ZNF623: variants seen among roughly 807,000 people sequenced by gnomAD.
ZNF623 encodes zinc finger protein 623.
Under a neutral mutation model 24.0 loss-of-function variants are expected in ZNF623, and 16 were observed. That is an observed-to-expected ratio of 0.67 (90% CI 0.45 to 1.01). The LOEUF is 1.01. ZNF623 is among the 50% of genes least tolerant of loss of function. ZNF623 has a pLI of 0.00. For synonymous variants in ZNF623, 224 were observed against 219.8 expected (o/e 1.02, Z -0.17); for missense variants, 566 against 606.5 (o/e 0.93, Z 0.70).
chr8:143,637,216 C>T (rs1229762624), intron 1 of ZNF623, among the ~76,000 whole-genome samples: 2 of 152,216 alleles, frequency 1.3e-5, no homozygotes, highest in African/African-American at 4.8e-5. Context: ...TAGCCTGTGG[C>T]GCCCAGTAGG....
chr8:143,647,405 G>A (rs1431440458), intron 1 of ZNF623, among the ~76,000 whole-genome samples: 6 of 151,954 alleles, frequency 3.9e-5, no homozygotes, highest in South Asian at 2.1e-4. Context: ...CTCGTGGTCC[G>A]CCCGCCTCTG....
In ZNF623 at chr8:143,653,387, T is replaced by G. The variant is rs1000772782; in HGVS notation, c.*1904T>G. 6.0e-6 allele frequency: 1 copy of G among 167,136 alleles called. No individual in the cohort carries two copies. Among genetic ancestry groups the G allele is most frequent in the Non-Finnish European group, 1.5e-5 (1 of 68,126 alleles). The allele number at this position is 167,136 out of a possible 1,614,324, so 10.4% of individuals were successfully genotyped here. On this transcript the variant is annotated 3_prime_UTR_variant, in exon 2 of 2. Coordinates refer to ENST00000526926, the MANE Select transcript of ZNF623 (RefSeq NM_001261843.2). ...GAAAATCAGCATTACTAGAGATGTT[T>G]CAAATGTAGATTTTACCAGACCATT...
At chr8:143,649,637 A>G (rs1815248663) in intron 1 of ZNF623, 1 of 498,652 alleles carries the variant, frequency 2.0e-6, no homozygotes, top group Non-Finnish European at 3.5e-6. Flanking sequence ...TCCAGGATTC[A>G]CTAATGGTCA....
chr8:143,645,303 A>G lies in ZNF623; in HGVS notation c.-95-4595A>G, dbSNP rs567001180. Among the ~76,000 whole-genome samples, 689 of 152,060 alleles carry G rather than the reference A, an allele frequency of 4.5e-3. 5 individuals carry two copies. Among genetic ancestry groups the G allele is most frequent in the Non-Finnish European group, 6.9e-3 (468 of 67,968 alleles). ...AAAAATACAAAAAAATTGGCCAGGCATGGTGGCGGGCGCCTGTAGTCCCAG... is the reference window on the plus strand; with the variant it reads ...AAAAATACAAAAAAATTGGCCAGGCGTGGTGGCGGGCGCCTGTAGTCCCAG... On this transcript the variant is annotated intron_variant, in intron 1 of 1. Transcript: ENST00000526926.
At chr8:143,642,686 G>A (rs1486404500) in intron 1 of ZNF623, among the ~76,000 whole-genome samples, 3 of 152,190 alleles carry the variant, frequency 2.0e-5, no homozygotes, top group African/African-American at 7.2e-5. Context: ...TATATCCAGG[G>A]AAGGGGGAGG....
At chr8:143,643,034 C>T (rs1815092706) in intron 1 of ZNF623, among the ~76,000 whole-genome samples, 1 of 152,194 alleles carries the variant, frequency 6.6e-6, no homozygotes, top group African/African-American at 2.4e-5. Flanking sequence ...CCTAATCACA[C>T]AGACCCTGGG....
chr8:143,641,197 C>T (rs562142648), intron 1 of ZNF623, among the ~76,000 whole-genome samples: 118 of 152,282 alleles, frequency 7.7e-4, no homozygotes, highest in Non-Finnish European at 1.3e-3. Context: ...GAATGTTCTT[C>T]GTGGCATCTA....
chr8:143,649,383 T>C (rs1278063894), intron 1 of ZNF623, among the ~76,000 whole-genome samples: 6 of 151,146 alleles, frequency 4.0e-5, no homozygotes, highest in African/African-American at 1.2e-4. Context: ...CCAAGTATCA[T>C]GGAGGGAGGA....
chr8:143,640,026 A>G (rs985719177), intron 1 of ZNF623, among the ~76,000 whole-genome samples: 1 of 152,330 alleles, frequency 6.6e-6, no homozygotes, highest in Middle Eastern at 3.4e-3. Context: ...AATGCTAGGG[A>G]ACCACATTGG....
chr8:143,638,432 A>G (rs1489461387), intron 1 of ZNF623, among the ~76,000 whole-genome samples: 1 of 152,002 alleles, frequency 6.6e-6, no homozygotes, highest in Non-Finnish European at 1.5e-5. Context: ...TCTTGTAAAC[A>G]GAAACACCCT....
intron 1 of ZNF623, among the ~76,000 whole-genome samples, chr8:143,637,700 G>A (rs1814956332): frequency 2.0e-5 from 3 of 152,094 alleles, no homozygotes; most frequent in Admixed American, 2.0e-4. Context: ...CAGGCACACG[G>A]CACCACGTCC....
At chr8:143,643,680 A>G (rs1815109941) in intron 1 of ZNF623, among the ~76,000 whole-genome samples, 2 of 152,220 alleles carry the variant, frequency 1.3e-5, no homozygotes, top group Admixed American at 1.3e-4. Flanking sequence ...TGCAGCTTAC[A>G]TCCTTCCACC....
chr8:143,637,240 C>T (rs1322094549), intron 1 of ZNF623, among the ~76,000 whole-genome samples: 2 of 152,228 alleles, frequency 1.3e-5, no homozygotes, highest in African/African-American at 2.4e-5. Context: ...CTTGGTGTGG[C>T]GCGGGGCAAG....
Position 143,644,489 on chromosome 8 carries a change from A to C in ZNF623, c.-95-5409A>C, listed in dbSNP as rs370792476. 2.6e-5 allele frequency among the ~76,000 whole-genome samples: 4 copies of C among 152,298 alleles called. No individual in the cohort carries two copies. The East Asian group carries it at 7.7e-4, about 29-fold the overall frequency. Reference sequence around the variant, plus strand: ...CGCAGTGGCCCGGCTCCCACTGCCCAGCAAGAACCCCAAAGAGAAGGTTCT... The same window carrying C: ...CGCAGTGGCCCGGCTCCCACTGCCCCGCAAGAACCCCAAAGAGAAGGTTCT... On this transcript the variant is annotated intron_variant, in intron 1 of 1. Coordinates refer to ENST00000526926, the MANE Select transcript of ZNF623 (RefSeq NM_001261843.2).
chr8:143,642,207 G>A (rs1271268838), intron 1 of ZNF623, among the ~76,000 whole-genome samples: 2 of 152,206 alleles, frequency 1.3e-5, no homozygotes. Flanking sequence ...ACTTCTATGT[G>A]TGGAAGTGAC....
At chr8:143,644,609 G>A (rs73718122) in intron 1 of ZNF623, among the ~76,000 whole-genome samples, 1,870 of 152,214 alleles carry the variant, frequency 0.012, 32 homozygotes, top group African/African-American at 0.042. Context: ...CAAATACATG[G>A]CTGGGTGTGG....
At chr8:143,638,797 T>C (rs1008520140) in intron 1 of ZNF623, among the ~76,000 whole-genome samples, 2 of 151,918 alleles carry the variant, frequency 1.3e-5, no homozygotes, top group Non-Finnish European at 2.9e-5. Context: ...ATAAACAGCT[T>C]GTTTCCAGGT....
Position 143,650,342 on chromosome 8 carries a change from G to A in ZNF623, c.350G>A (p.Gly117Glu). 1 of 1,614,212 alleles carries A rather than the reference G, an allele frequency of 6.2e-7. No individual in the cohort carries two copies. The highest frequency in any genetic ancestry group is 8.5e-7 in the Non-Finnish European group (1 of 1,180,040). Residue 117 changes from glycine (G) to glutamate (E), a missense_variant, in exon 2 of 2, where the codon GGG (glycine) becomes GAG (glutamate). Transcript: ENST00000526926. This position sits in a 1 kb window ranked among gnomAD's most constrained non-coding sequence, Gnocchi z 5.2. ...AAACCTTACACGTGCGATCAGTGTGGGAAAGGCTTTGGCCAGAGCTCACAC... is the reference window on the plus strand; with the variant it reads ...AAACCTTACACGTGCGATCAGTGTGAGAAAGGCTTTGGCCAGAGCTCACAC... ...GEKPYTCDQC[G>E]KGFGQSSHLM...
At position 143,652,450 on chromosome 8, in the gene ZNF623, G is replaced by GT. The variant is rs139206799; in HGVS notation, c.*975dup. ...TTCTAAAAATTTTCAGCTGTTGGCT[G>GT]TTTTTTTTGTTGTTTGTTCATTTTG... On this transcript the variant is annotated 3_prime_UTR_variant, in exon 2 of 2. Coordinates refer to ENST00000526926, the MANE Select transcript of ZNF623 (RefSeq NM_001261843.2). 2.2e-4 allele frequency: 37 copies of GT among 166,942 alleles called. No homozygotes were observed. Among genetic ancestry groups the GT allele is most frequent in the African/African-American group, 6.0e-4 (25 of 41,504 alleles). 10.3% of individuals were successfully genotyped at this position (166,942 alleles called of 1,614,324 possible).
Sources: gnomAD v4.1 joint callset for allele counts (sites outside exome capture counted in the v4.1 genomes callset) on GRCh38, gnomAD v4.1.1 for gene constraint, Gnocchi (gnomAD v3.1) non-coding constraint, MANE v1.5 for transcripts, NCBI Gene and HGNC (gene_info 2026-07-23, HGNC 2026-07-21) for gene names.